RBFOX1: variants seen among roughly 807,000 people sequenced by gnomAD.
RBFOX1 encodes the protein RNA binding fox-1 homolog 1.
A neutral mutation model predicts 57.7 loss-of-function variants in RBFOX1; 8 were observed. The ratio of observed to expected loss-of-function variants is 0.14; its 90% CI spans 0.08 to 0.25. RBFOX1 has a LOEUF of 0.25. Ranked by LOEUF, RBFOX1 falls within the 10% of genes least tolerant of loss-of-function variation. The pLI, the probability that RBFOX1 is intolerant of heterozygous loss-of-function variation, is 1.00. For missense variants in RBFOX1, 611 were observed against 548.5 expected (o/e 1.11, Z -1.14); for synonymous variants, 326 against 222.4 (o/e 1.47, Z -4.15).
intron 1 of RBFOX1, among the ~76,000 whole-genome samples, chr16:5,414,461 G>T (rs1458509938): frequency 1.3e-5 from 2 of 152,180 alleles, no homozygotes; most frequent in Non-Finnish European, 2.9e-5. Flanking sequence ...ACAGAATGGA[G>T]GGTGACAGTT....
chr16:6,828,967 C>G (rs773910053), intron 3 of RBFOX1, among the ~76,000 whole-genome samples: 2 of 150,958 alleles, frequency 1.3e-5, no homozygotes, highest in South Asian at 2.1e-4. Flanking sequence ...TGAGTGTGTA[C>G]TTTTCCCGTT....
chr16:5,636,469 A>G (rs912513192), intron 3 of RBFOX1, among the ~76,000 whole-genome samples: 2 of 152,184 alleles, frequency 1.3e-5, no homozygotes, highest in African/African-American at 4.8e-5. Flanking sequence ...TGAGAATCTG[A>G]AGGACTCCTC....
intron 4 of RBFOX1, among the ~76,000 whole-genome samples, chr16:7,308,236 C>A (rs923574788): frequency 6.6e-6 from 1 of 150,886 alleles, no homozygotes; most frequent in Non-Finnish European, 1.5e-5. Context: ...AGGCAACAGA[C>A]AGGATGGATG....
intron 4 of RBFOX1, among the ~76,000 whole-genome samples, chr16:7,289,428 CACCATCATCATT>C (rs1369960809): frequency 2.0e-5 from 3 of 152,144 alleles, no homozygotes; most frequent in Non-Finnish European, 2.9e-5. Flanking sequence ...TCATCACCAT[CACCATCATCATT>C]ACCATCATCA....
At chr16:6,684,315 G>C (rs990435038) in intron 3 of RBFOX1, among the ~76,000 whole-genome samples, 11 of 152,196 alleles carry the variant, frequency 7.2e-5, no homozygotes, top group African/African-American at 2.7e-4. Context: ...GTTTTAATTA[G>C]CTAAAAGGAA....
chr16:6,517,476 G>GTGTATCC (rs1320721019), intron 2 of RBFOX1, among the ~76,000 whole-genome samples: 1 of 152,080 alleles, frequency 6.6e-6, no homozygotes, highest in African/African-American at 2.4e-5. Context: ...TCTGATACCA[G>GTGTATCC]TGTCTCCTGT....
At chr16:6,580,854 C>T (rs1237715502) in intron 2 of RBFOX1, among the ~76,000 whole-genome samples, 1 of 151,680 alleles carries the variant, frequency 6.6e-6, no homozygotes, top group Non-Finnish European at 1.5e-5. Context: ...TTAACCGATG[C>T]CTAAATGGAA....
rs1052493389 is a variant in RBFOX1 at position 6,960,974 on chromosome 16, A to C, written c.-15-91083A>C. ...GAAACTCCATCTCTACTGAAAATACAAAAAAAAAAAAAAAAAAAAATTAGC... is the reference window on the plus strand; with the variant it reads ...GAAACTCCATCTCTACTGAAAATACCAAAAAAAAAAAAAAAAAAAATTAGC... On this transcript the variant is annotated intron_variant, in intron 3 of 15. Coordinates refer to ENST00000550418, the MANE Select transcript of RBFOX1 (RefSeq NM_018723.4). Among the ~76,000 whole-genome samples, 5 of 70,212 alleles carry C rather than the reference A, an allele frequency of 7.1e-5. No homozygotes were observed. The South Asian group carries it at 1.7e-3, about 24-fold the overall frequency. The allele number at this position is 70,212 out of a possible 152,430, so 46.1% of individuals were successfully genotyped here.
intron 3 of RBFOX1, among the ~76,000 whole-genome samples, chr16:5,720,055 T>A (rs2051870230): frequency 6.6e-6 from 1 of 152,082 alleles, no homozygotes; most frequent in South Asian, 2.1e-4. Flanking sequence ...AAGCTTCAAT[T>A]TTTTTCACAT....
At chr16:6,209,391 ACAAAGAATGTACATCCAAACTTC>A (rs951245991) in intron 1 of RBFOX1, among the ~76,000 whole-genome samples, 3 of 33,176 alleles carry the variant, frequency 9.0e-5, no homozygotes, top group Non-Finnish European at 2.1e-4. Context: ...TTAATAATAA[ACAAAGAATGTACATCCAAACTTC>A]CAAACTTCCT....
At chr16:5,438,666 CT>C (rs2067990646) in intron 1 of RBFOX1, among the ~76,000 whole-genome samples, 1 of 152,140 alleles carries the variant, frequency 6.6e-6, no homozygotes, top group Non-Finnish European at 1.5e-5. Context: ...ATTGCACCCT[CT>C]TATGGGAAGC....
intron 1 of RBFOX1, among the ~76,000 whole-genome samples, chr16:6,046,100 T>C (rs1377992754): frequency 1.3e-5 from 2 of 152,182 alleles, no homozygotes; most frequent in African/African-American, 4.8e-5. Flanking sequence ...AAGAGGAACA[T>C]TCTGATTTTT....
chr16:5,624,102 TTG>T (rs946631097), intron 3 of RBFOX1, among the ~76,000 whole-genome samples: 50 of 152,336 alleles, frequency 3.3e-4, no homozygotes, highest in African/African-American at 1.2e-3. Context: ...GTTTGGGGAT[TTG>T]GAAAAGCAAA....
chr16:5,451,457 C>A (rs962390600), intron 1 of RBFOX1, among the ~76,000 whole-genome samples: 1 of 151,950 alleles, frequency 6.6e-6, no homozygotes, highest in Non-Finnish European at 1.5e-5. Context: ...TAATTAGTAC[C>A]CCAACCCTGC....
In RBFOX1 at chr16:6,606,842, G is replaced by A. The variant is rs188237444; in HGVS notation, c.-63-47761G>A. Among the ~76,000 whole-genome samples, 13 of 152,242 alleles carry A rather than the reference G, an allele frequency of 8.5e-5. No individual in the cohort carries two copies. The East Asian group carries it at 2.3e-3, about 27-fold the overall frequency. On this transcript the variant is annotated intron_variant, in intron 2 of 15. Transcript: ENST00000550418. ...TACGCGTGCATGTATCTTTATAATA[G>A]AATGATTTGTATTCCTTTGGGTATA...
At chr16:7,461,553 C>G (rs1167725075) in intron 4 of RBFOX1, among the ~76,000 whole-genome samples, 1 of 152,122 alleles carries the variant, frequency 6.6e-6, no homozygotes, top group African/African-American at 2.4e-5. Context: ...ATTTCAGATA[C>G]CCTCCAAGAA....
At chr16:7,303,890 G>T (rs1001388933) in intron 4 of RBFOX1, among the ~76,000 whole-genome samples, 3 of 139,276 alleles carry the variant, frequency 2.2e-5, no homozygotes, top group Admixed American at 7.3e-5. Context: ...CTCCCATTCA[G>T]CCTCTTCGGG....
intron 7 of RBFOX1, among the ~76,000 whole-genome samples, chr16:7,591,059 G>A (rs1019469169): frequency 6.6e-6 from 1 of 152,084 alleles, no homozygotes; most frequent in Non-Finnish European, 1.5e-5. Flanking sequence ...TGCGGTGATG[G>A]GAGAGGCCAC....
intron 2 of RBFOX1, among the ~76,000 whole-genome samples, chr16:5,505,248 G>A (rs1222292347): frequency 1.3e-5 from 2 of 152,182 alleles, no homozygotes; most frequent in African/African-American, 4.8e-5. Flanking sequence ...TTCCACCTCT[G>A]TGCTTAACGC....
Sources: allele counts gnomAD v4.1 joint callset (sites outside exome capture counted in the v4.1 genomes callset), GRCh38; gene constraint gnomAD v4.1.1; transcripts MANE v1.5; gene names NCBI Gene and HGNC (gene_info 2026-07-23, HGNC 2026-07-21).